Variants in SULT4A1 observed in about 807,000 individuals in gnomAD.
The protein encoded by SULT4A1 is sulfotransferase 4A1.
Under a neutral mutation model 35.2 loss-of-function variants are expected in SULT4A1, and 11 were observed. The ratio of observed to expected loss-of-function variants is 0.31; its 90% CI spans 0.20 to 0.52. The LOEUF is 0.52. SULT4A1 is among the 20% of genes least tolerant of loss of function. The pLI is 0.97. For synonymous variants in SULT4A1, 152 were observed against 151.8 expected (o/e 1.00, Z -0.01); for missense variants, 271 against 383.7 (o/e 0.71, Z 2.45).
rs879067939 is a variant in SULT4A1, at chr22:43,825,865, C to T, written c.*136G>A. On this transcript the variant is annotated 3_prime_UTR_variant, in exon 7 of 7. Transcript: ENST00000330884. Reference sequence around the variant, plus strand: ...GGAATCATCACACTCCCTCCGCTCACGCCGCTCTTCCCTTCCCCCGCTGTT... The same window carrying T: ...GGAATCATCACACTCCCTCCGCTCATGCCGCTCTTCCCTTCCCCCGCTGTT... 22 of 846,874 alleles carry T rather than the reference C, an allele frequency of 2.6e-5. No individual in the cohort carries two copies. Among genetic ancestry groups the T allele is most frequent in the Admixed American group, 1.8e-4 (7 of 38,954 alleles). 52.5% of individuals were successfully genotyped at this position (846,874 alleles called of 1,614,324 possible).
At position 43,825,576 on chromosome 22, in the gene SULT4A1, G is replaced by T. The variant is rs2063281142; in HGVS notation, c.*425C>A. The T allele has an allele frequency of 6.3e-6, 1 of 158,040 alleles. No homozygotes were observed. Among genetic ancestry groups the T allele is most frequent in the Admixed American group, 6.3e-5 (1 of 15,760 alleles). The allele number at this position is 158,040 out of a possible 1,614,324, so 9.8% of individuals were successfully genotyped here. A position where few individuals can be genotyped will look rare whatever the true frequency, so the allele number is the denominator to read the frequency against. ...TACAAAAATAAAGAGTTAACCCTGA[G>T]ATCTTTCTACCATTCGGGTGTGGCT... is the stretch of plus-strand genomic sequence containing the variant. On this transcript the variant is annotated 3_prime_UTR_variant, in exon 7 of 7. Coordinates refer to ENST00000330884, the MANE Select transcript of SULT4A1 (RefSeq NM_014351.4).
At chr22:43,832,235 T>C (rs544651494) in intron 5 of SULT4A1, among the ~76,000 whole-genome samples, 1 of 152,286 alleles carries the variant, frequency 6.6e-6, no homozygotes, top group East Asian at 1.9e-4. Context: ...TCAAGTTGTG[T>C]GGACAAGAGG....
intron 1 of SULT4A1, among the ~76,000 whole-genome samples, chr22:43,845,227 G>A (rs532510610): frequency 3.0e-4 from 46 of 152,168 alleles, no homozygotes; most frequent in Middle Eastern, 3.4e-3. Context: ...GTGACAGCCC[G>A]GAGTGCAGCC....
chr22:43,845,337 G>A (rs568456823), intron 1 of SULT4A1, among the ~76,000 whole-genome samples: 6 of 152,134 alleles, frequency 3.9e-5, no homozygotes, highest in East Asian at 3.9e-4. Flanking sequence ...GCTGCCCAGC[G>A]CCTCAGTGGG....
At chr22:43,847,670 G>A (rs1427852888) in intron 1 of SULT4A1, among the ~76,000 whole-genome samples, 1 of 150,560 alleles carries the variant, frequency 6.6e-6, no homozygotes, top group Non-Finnish European at 1.5e-5. Flanking sequence ...CCCTCTGCCT[G>A]GCCAGCTTGG....
At chr22:43,836,482 G>A (rs1486419588) in intron 4 of SULT4A1, among the ~76,000 whole-genome samples, 5 of 138,004 alleles carry the variant, frequency 3.6e-5, no homozygotes, top group East Asian at 2.2e-4. Flanking sequence ...TCTACACAGC[G>A]TCCTCCAACT....
intron 1 of SULT4A1, among the ~76,000 whole-genome samples, chr22:43,857,504 T>C (rs2049415948): frequency 1.3e-5 from 2 of 150,506 alleles, no homozygotes; most frequent in African/African-American, 4.9e-5. Flanking sequence ...GAAGAAAGAA[T>C]GAGGTAAAAG....
chr22:43,840,146 T>G, intron 2 of SULT4A1, 121 bp from the exon 3 acceptor site: 5 of 711,750 alleles, frequency 7.0e-6, no homozygotes, highest in Non-Finnish European at 9.2e-6. Context: ...GAAGTGGAGT[T>G]ATCAGAGGGA....
In SULT4A1 at chr22:43,838,940, G is replaced by A. The variant is rs2063400266; in HGVS notation, c.435C>T (p.Phe145=). The A allele has an allele frequency of 6.2e-7, 1 of 1,614,216 alleles. No individual in the cohort carries two copies. The highest frequency in any genetic ancestry group is 2.2e-5 in the East Asian group (1 of 44,882). Residue 145 remains phenylalanine (F), a synonymous_variant, in exon 4 of 7, where the codon TTC becomes TTT. Transcript: ENST00000330884. ...AGCTCATGGTCCGCAGAGAGCGGTG[G>A]AACTGATAATAAGACACCACCAGAT... ...PKDLVVSYYQ[F]HRSLRTMSYR...
At chr22:43,847,294 A>G (rs962180066) in intron 1 of SULT4A1, among the ~76,000 whole-genome samples, 1 of 152,146 alleles carries the variant, frequency 6.6e-6, no homozygotes, top group Non-Finnish European at 1.5e-5. Flanking sequence ...ATCAAAGAAA[A>G]ATGGTCATTA....
chr22:43,843,148 C>T (rs889913055), intron 1 of SULT4A1, among the ~76,000 whole-genome samples: 1 of 152,206 alleles, frequency 6.6e-6, no homozygotes, highest in Non-Finnish European at 1.5e-5. Flanking sequence ...GGCACAGTTA[C>T]TCATGCCTAT....
intron 1 of SULT4A1, among the ~76,000 whole-genome samples, chr22:43,855,695 C>G (rs953098125): frequency 6.6e-6 from 1 of 152,162 alleles, no homozygotes; most frequent in African/African-American, 2.4e-5. Flanking sequence ...GTCCCACATC[C>G]CAGGAGCTAC....
intron 5 of SULT4A1, among the ~76,000 whole-genome samples, chr22:43,831,660 G>A (rs1342903472): frequency 6.6e-6 from 1 of 152,250 alleles, no homozygotes; most frequent in Admixed American, 6.5e-5. Context: ...CGCCACGCAG[G>A]TGGAGGAGCC....
At chr22:43,857,870 T>C (rs1485421000) in intron 1 of SULT4A1, among the ~76,000 whole-genome samples, 1 of 151,252 alleles carries the variant, frequency 6.6e-6, no homozygotes, top group Admixed American at 6.6e-5. Context: ...GGCAACATGG[T>C]GAGACCCTAT....
intron 1 of SULT4A1, among the ~76,000 whole-genome samples, chr22:43,860,323 G>GA (rs2049451366): frequency 6.8e-3 from 1 of 146 alleles, no homozygotes; most frequent in African/African-American, 0.031. Flanking sequence ...CACCAGATGG[G>GA]GCCCTCTCGG....
intron 1 of SULT4A1, among the ~76,000 whole-genome samples, chr22:43,844,269 CTG>C: frequency 6.6e-6 from 1 of 152,344 alleles, no homozygotes. Flanking sequence ...TCTCCTAAGA[CTG>C]TGGGGAGATG....
At chr22:43,853,830 A>T (rs1489692921) in intron 1 of SULT4A1, among the ~76,000 whole-genome samples, 1 of 152,250 alleles carries the variant, frequency 6.6e-6, no homozygotes, top group Non-Finnish European at 1.5e-5. Context: ...CAGCAAGCAG[A>T]GCGTGGCTCC....
chr22:43,841,203 T>C (rs899453218), intron 2 of SULT4A1, among the ~76,000 whole-genome samples: 1 of 151,668 alleles, frequency 6.6e-6, no homozygotes, highest in African/African-American at 2.4e-5. Flanking sequence ...GCCACAGGGG[T>C]CTTGTGCCAT....
intron 5 of SULT4A1, among the ~76,000 whole-genome samples, chr22:43,831,865 G>A (rs962919314): frequency 1.3e-5 from 2 of 152,232 alleles, no homozygotes; most frequent in African/African-American, 4.8e-5. Flanking sequence ...GTAAAAGGCT[G>A]TCAAGCCCCA....
Sources: gnomAD v4.1 joint callset for allele counts (sites outside exome capture counted in the v4.1 genomes callset) on GRCh38, gnomAD v4.1.1 for gene constraint, MANE v1.5 for transcripts, NCBI Gene and HGNC (gene_info 2026-07-23, HGNC 2026-07-21) for gene names.